Variants in CTNNA2 observed in about 807,000 individuals in gnomAD.
CTNNA2 encodes the protein catenin alpha 2.
A neutral mutation model predicts 101.0 loss-of-function variants in CTNNA2; 42 were observed. That is an observed-to-expected ratio of 0.42 (90% CI 0.32 to 0.54). The LOEUF (loss-of-function observed/expected upper bound fraction) is 0.54, where lower values mean the gene tolerates loss of function less well. Among genes scored for constraint, CTNNA2 ranks in the 20% least tolerant of loss-of-function variants. The pLI is 0.14. For missense variants in CTNNA2, 871 were observed against 1,223.1 expected (o/e 0.71, Z 4.29); for synonymous variants, 450 against 456.4 (o/e 0.99, Z 0.18).
At chr2:79,261,761 C>A (rs1240335483) in intron 2 of CTNNA2, among the ~76,000 whole-genome samples, 1 of 152,314 alleles carries the variant, frequency 6.6e-6, no homozygotes, top group East Asian at 1.9e-4. Context: ...AATGCAGTCA[C>A]ATCAGGGATT....
chr2:80,118,956 G>T (rs1361953665), intron 7 of CTNNA2, among the ~76,000 whole-genome samples: 1 of 152,118 alleles, frequency 6.6e-6, no homozygotes, highest in East Asian at 1.9e-4. Flanking sequence ...TACTTCTCAG[G>T]GTATATCAAA....
At chr2:80,254,474 G>A (rs749834747) in intron 7 of CTNNA2, among the ~76,000 whole-genome samples, 1 of 152,128 alleles carries the variant, frequency 6.6e-6, no homozygotes, top group African/African-American at 2.4e-5. Flanking sequence ...GGGGGAGCTG[G>A]TTCAGGAACT....
intron 2 of CTNNA2, among the ~76,000 whole-genome samples, chr2:79,236,793 A>C (rs567816029): frequency 6.6e-6 from 1 of 152,198 alleles, no homozygotes; most frequent in Non-Finnish European, 1.5e-5. Flanking sequence ...AGCCCTCATC[A>C]GTTCAGGTTT....
At chr2:80,499,125 C>T (rs1485976185) in intron 9 of CTNNA2, among the ~76,000 whole-genome samples, 1 of 152,126 alleles carries the variant, frequency 6.6e-6, no homozygotes. Context: ...TTATTGATGG[C>T]CAATATTCCA....
intron 9 of CTNNA2, among the ~76,000 whole-genome samples, chr2:80,422,569 G>T (rs1351599540): frequency 6.6e-6 from 1 of 151,556 alleles, no homozygotes; most frequent in Non-Finnish European, 1.5e-5. Context: ...TATATTGCTT[G>T]CTCTATGTTT....
intron 1 of CTNNA2, among the ~76,000 whole-genome samples, chr2:79,570,292 C>G (rs574001096): frequency 1.3e-5 from 2 of 152,194 alleles, no homozygotes; most frequent in Admixed American, 6.5e-5. Flanking sequence ...GCTAGTTTCT[C>G]TTATGTATCT....
chr2:79,464,732 C>G (rs1670915583), intron 4 of CTNNA2, among the ~76,000 whole-genome samples: 1 of 152,124 alleles, frequency 6.6e-6, no homozygotes, highest in South Asian at 2.1e-4. Context: ...CTTTGATGGC[C>G]AATGATGATG....
At chr2:80,230,845 A>G (rs910230535) in intron 7 of CTNNA2, among the ~76,000 whole-genome samples, 1 of 152,198 alleles carries the variant, frequency 6.6e-6, no homozygotes, top group Non-Finnish European at 1.5e-5. Flanking sequence ...CTGTCAGCCA[A>G]TAAAGATTCT....
chr2:80,405,605 T>G (rs1466246647), intron 8 of CTNNA2, among the ~76,000 whole-genome samples: 1 of 152,182 alleles, frequency 6.6e-6, no homozygotes, highest in African/African-American at 2.4e-5. Context: ...GAAACTGAAC[T>G]GTGAATGGGA....
intron 14 of CTNNA2, among the ~76,000 whole-genome samples, chr2:80,582,972 A>G (rs1695665975): frequency 6.6e-6 from 1 of 152,138 alleles, no homozygotes; most frequent in African/African-American, 2.4e-5. Flanking sequence ...TCACTCAACA[A>G]TCAAGTGACC....
chr2:80,424,189 T>C lies in CTNNA2; in HGVS notation c.1290+4588T>C, dbSNP rs543841808. ...CAGGCTGGTCTCAAACTCCTGACTT[T>C]GTGATCTGCCCTCCTTGGCCTCCCA... On this transcript the variant is annotated intron_variant, in intron 9 of 18. Coordinates refer to ENST00000402739, the MANE Select transcript of CTNNA2 (RefSeq NM_001282597.3). Among the ~76,000 whole-genome samples, 18 of 152,178 alleles carry C rather than the reference T, an allele frequency of 1.2e-4. 1 individual carries two copies. The South Asian group carries it at 3.7e-3, about 32-fold the overall frequency.
chr2:79,552,267 T>G (rs574441681), intron 1 of CTNNA2, among the ~76,000 whole-genome samples: 1 of 152,160 alleles, frequency 6.6e-6, no homozygotes, highest in African/African-American at 2.4e-5. Context: ...GGACAATCAT[T>G]AAACCTAAAA....
At chr2:80,391,381 G>A (rs1474067282) in intron 7 of CTNNA2, among the ~76,000 whole-genome samples, 2 of 152,072 alleles carry the variant, frequency 1.3e-5, no homozygotes, top group East Asian at 3.9e-4. Flanking sequence ...ATTATTTTGT[G>A]TATCTAAAGT....
chr2:80,395,507 C>A (rs1677928806), intron 8 of CTNNA2, among the ~76,000 whole-genome samples: 1 of 152,278 alleles, frequency 6.6e-6, no homozygotes, highest in African/African-American at 2.4e-5. Context: ...CCATGTACAC[C>A]TGTAGTGGCA....
intron 6 of CTNNA2, among the ~76,000 whole-genome samples, chr2:79,876,647 C>A (rs1030297610): frequency 6.6e-6 from 1 of 152,200 alleles, no homozygotes; most frequent in African/African-American, 2.4e-5. Context: ...GCTGCTTCCC[C>A]ATGCTGCCTT....
At chr2:80,158,934 A>G (rs1181956973) in intron 7 of CTNNA2, among the ~76,000 whole-genome samples, 9 of 152,046 alleles carry the variant, frequency 5.9e-5, no homozygotes, top group African/African-American at 2.2e-4. Context: ...AAAGAATGTC[A>G]TACAAATGGA....
intron 1 of CTNNA2, among the ~76,000 whole-genome samples, chr2:79,186,804 T>G (rs2104150736): frequency 6.6e-6 from 1 of 152,326 alleles, no homozygotes; most frequent in South Asian, 2.1e-4. Context: ...GAGACAAAAC[T>G]TCACCACTGT....
intron 7 of CTNNA2, chr2:80,313,681 G>T (rs1677826757): frequency 6.4e-7 from 1 of 1,559,676 alleles, no homozygotes; most frequent in East Asian, 2.3e-5. Flanking sequence ...GGTAAGAAAG[G>T]AGTGTGAATT....
At chr2:80,382,356 T>C (rs1676589427) in intron 7 of CTNNA2, among the ~76,000 whole-genome samples, 1 of 131,270 alleles carries the variant, frequency 7.6e-6, no homozygotes, top group Non-Finnish European at 1.5e-5. Flanking sequence ...TGCCTTTAAT[T>C]GGATAAAAAA....
Sources: gnomAD v4.1 joint callset for allele counts (sites outside exome capture counted in the v4.1 genomes callset) on GRCh38, gnomAD v4.1.1 for gene constraint, MANE v1.5 for transcripts, NCBI Gene and HGNC (gene_info 2026-07-23, HGNC 2026-07-21) for gene names.